The following CIITA variants were observed in gnomAD, a reference collection of about 807,000 sequenced individuals.
CIITA encodes MHC class II transactivator.
In CIITA, 72 loss-of-function variants were observed where a neutral mutation model predicts 115.1. The observed-to-expected ratio is 0.63, with a 90% CI of 0.52 to 0.76. The LOEUF (loss-of-function observed/expected upper bound fraction) is 0.76, where lower values mean the gene tolerates loss of function less well. CIITA is among the 30% of genes least tolerant of loss of function. The pLI is 0.00. For missense variants in CIITA, 1,617 were observed against 1,463.8 expected, an observed-to-expected ratio of 1.10 and a Z score of -1.71; for synonymous variants, 763 against 635.6, an observed-to-expected ratio of 1.20 and a Z score of -3.02.
chr16:10,907,681 A>T lies in CIITA; in HGVS notation c.2189A>T (p.Asp730Val). The change falls in exon 11 of 20, where the codon GAC becomes GTC. Residue 730 changes from aspartate (D) to valine (V), a missense_variant. Transcript: ENST00000324288. This position sits in a 1 kb window ranked among gnomAD's most constrained non-coding sequence, Gnocchi z 5.0. ...LWLALSGEIK[D>V]KELPQYLALT... The stretch of plus-strand genomic sequence containing the variant: ...CTGGCTCTGAGTGGCGAAATCAAGG[A>T]CAAGGAGCTCCCGCAGTACCTAGCA... 1 of 1,614,162 alleles carries T rather than the reference A, an allele frequency of 6.2e-7. No homozygotes were observed. Among genetic ancestry groups the T allele is most frequent in the Non-Finnish European group, 8.5e-7 (1 of 1,180,012 alleles).
intron 15 of CIITA, 62 bp downstream of exon 15, chr16:10,916,521 CA>C: frequency 7.0e-7 from 1 of 1,418,516 alleles, no homozygotes; most frequent in South Asian, 1.2e-5. Flanking sequence ...CTGACTTTTT[CA>C]AAATTAATTT....
chr16:10,872,026 C>T (rs1436428113), intron 1 of CIITA, among the ~76,000 whole-genome samples: 1 of 152,204 alleles, frequency 6.6e-6, no homozygotes, highest in Non-Finnish European at 1.5e-5. Flanking sequence ...CATCCACCTA[C>T]CTGCCTGCCC....
At chr16:10,916,800 CCGCT>C (rs771256302) in intron 15 of CIITA, 34 of 422,940 alleles carry the variant, frequency 8.0e-5, no homozygotes, top group Non-Finnish European at 1.3e-4. Context: ...CCTCATCCAA[CCGCT>C]CACTCAATCA....
chr16:10,897,155 T>A (rs2038214404), intron 3 of CIITA, among the ~76,000 whole-genome samples: 1 of 152,154 alleles, frequency 6.6e-6, no homozygotes, highest in Non-Finnish European at 1.5e-5. Flanking sequence ...CACTGAGTAA[T>A]TTATAAAGAA....
intron 8 of CIITA, among the ~76,000 whole-genome samples, chr16:10,903,239 C>T (rs1195718507): frequency 6.6e-6 from 1 of 152,124 alleles, no homozygotes; most frequent in Non-Finnish European, 1.5e-5. Flanking sequence ...GTCTTGTTTC[C>T]TAATCAGTAA....
intron 5 of CIITA, 85 bp downstream of exon 5, chr16:10,899,087 T>G: frequency 1.5e-6 from 2 of 1,335,382 alleles, no homozygotes; most frequent in Non-Finnish European, 2.1e-6. Context: ...GGGTCCAACT[T>G]GCTTCCCTCG....
intron 3 of CIITA, among the ~76,000 whole-genome samples, chr16:10,898,304 C>T (rs528302433): frequency 1.3e-5 from 2 of 151,974 alleles, no homozygotes; most frequent in Non-Finnish European, 2.9e-5. Flanking sequence ...ATTCATCTTA[C>T]ACAGATGAGA....
chr16:10,907,483 C>G lies in CIITA; in HGVS notation c.1991C>G (p.Ala664Gly). The G allele has an allele frequency of 1.9e-6, 3 of 1,613,732 alleles. No homozygotes were observed. Among genetic ancestry groups the G allele is most frequent in the Non-Finnish European group, 2.5e-6 (3 of 1,179,954 alleles). The change falls in exon 11 of 20, where the codon GCC becomes GGC. Residue 664 changes from alanine (A) to glycine (G), a missense_variant. Transcript: ENST00000324288. The surrounding 1 kb of genome is among the most constrained non-coding windows in gnomAD (Gnocchi z 5.0). The stretch of plus-strand genomic sequence containing the variant: ...GCCCTGGCAGAGCTGGCCAAGCTGG[C>G]CTGGGAGCTGGGCCGCAGACATCAA... ...PGALAELAKL[A>G]WELGRRHQST...
At chr16:10,869,024 G>A (rs2035290979) in intron 1 of CIITA, among the ~76,000 whole-genome samples, 1 of 152,226 alleles carries the variant, frequency 6.6e-6, no homozygotes, top group African/African-American at 2.4e-5. Context: ...CAAGAGAATT[G>A]CATGGTTTGT....
chr16:10,878,506 A>G (rs2036064288), intron 1 of CIITA, among the ~76,000 whole-genome samples: 1 of 152,274 alleles, frequency 6.6e-6, no homozygotes, highest in South Asian at 2.1e-4. Flanking sequence ...CATGGAAGGT[A>G]CCTGAGGGAT....
chr16:10,918,070 G>C lies in CIITA; in HGVS notation c.3063-370G>C, dbSNP rs540980775. Among the ~76,000 whole-genome samples, 10 of 152,304 alleles carry C rather than the reference G, an allele frequency of 6.6e-5. No individual in the cohort carries two copies. In the South Asian group the frequency reaches 1.9e-3, roughly 28 times the overall value. On this transcript the variant is annotated intron_variant, in intron 15 of 19. Coordinates refer to ENST00000324288, the MANE Select transcript of CIITA (RefSeq NM_000246.4). ...GCTCTAGGCACAGGGATACAGTAAT[G>C]AGCAAAACAGACACAGCCCTGCTCC...
chr16:10,899,661 A>T (rs1443736423), intron 5 of CIITA, among the ~76,000 whole-genome samples: 1 of 152,200 alleles, frequency 6.6e-6, no homozygotes, highest in African/African-American at 2.4e-5. Flanking sequence ...AACATCTGTA[A>T]AATGGGTGTA....
At chr16:10,905,904 G>T (rs2039114263) in intron 10 of CIITA, among the ~76,000 whole-genome samples, 1 of 151,170 alleles carries the variant, frequency 6.6e-6, no homozygotes, top group Non-Finnish European at 1.5e-5. Flanking sequence ...GACTGTATGG[G>T]GGCCAGATGT....
chr16:10,868,023 A>G (rs2035214852), intron 1 of CIITA, among the ~76,000 whole-genome samples: 1 of 152,118 alleles, frequency 6.6e-6, no homozygotes, highest in African/African-American at 2.4e-5. Context: ...TGGCCTCCCA[A>G]ATTGCTGGGC....
chr16:10,912,188 C>T (rs1475698681), intron 13 of CIITA, among the ~76,000 whole-genome samples: 1 of 152,004 alleles, frequency 6.6e-6, no homozygotes, highest in Non-Finnish European at 1.5e-5. Context: ...GATCTTGGCT[C>T]ACTGCAATCT....
intron 1 of CIITA, among the ~76,000 whole-genome samples, chr16:10,891,273 A>T (rs8062705): frequency 1.3e-5 from 2 of 150,020 alleles, no homozygotes; most frequent in Non-Finnish European, 3.0e-5. Context: ...GAGTCTTGGC[A>T]GGGGGAGTGG....
intron 1 of CIITA, among the ~76,000 whole-genome samples, chr16:10,892,456 T>G (rs1174896520): frequency 6.6e-6 from 1 of 152,214 alleles, no homozygotes; most frequent in Non-Finnish European, 1.5e-5. Context: ...CCCTCTGGTC[T>G]TCCAGCTTCA....
At chr16:10,892,188 G>A (rs889044322) in intron 1 of CIITA, among the ~76,000 whole-genome samples, 1 of 152,102 alleles carries the variant, frequency 6.6e-6, no homozygotes. Context: ...GCCAGGCATG[G>A]TGGCGGGTGC....
rs577955729 is a variant in CIITA at position 10,902,115 on chromosome 16, C to T, written c.559C>T (p.Leu187=). The change falls in exon 7 of 20, where the codon CTG becomes TTG. Residue 187 remains leucine (L), a synonymous_variant. Coordinates refer to ENST00000324288, the MANE Select transcript of CIITA (RefSeq NM_000246.4). ...SDCSTLPCLP[L]PALFNQEPAS... is the part of the protein sequence containing the mutation. ...CTGCTCCACCCTGCCCTGCCTGCCACTGCCTGCGCTGTTCAACCAGGAGCC... is the reference window on the plus strand; with the variant it reads ...CTGCTCCACCCTGCCCTGCCTGCCATTGCCTGCGCTGTTCAACCAGGAGCC... 6.2e-7 allele frequency: 1 copy of T among 1,614,234 alleles called. No homozygotes were observed. Among genetic ancestry groups the T allele is most frequent in the East Asian group, 2.2e-5 (1 of 44,878 alleles).
Sources: allele counts gnomAD v4.1 joint callset (sites outside exome capture counted in the v4.1 genomes callset), GRCh38; gene constraint gnomAD v4.1.1; non-coding constraint Gnocchi (gnomAD v3.1); transcripts MANE v1.5; gene names NCBI Gene and HGNC (gene_info 2026-07-23, HGNC 2026-07-21).